IL1RAPL1: variants seen among roughly 807,000 people sequenced by gnomAD.
The protein encoded by IL1RAPL1 is interleukin 1 receptor accessory protein like 1.
IL1RAPL1 carries 3 observed loss-of-function variants against 48.4 expected under a neutral mutation model. The ratio of observed to expected loss-of-function variants is 0.06; its 90% CI spans 0.03 to 0.16. IL1RAPL1 has a LOEUF of 0.16. Ranked by LOEUF, IL1RAPL1 falls within the 10% of genes least tolerant of loss-of-function variation. IL1RAPL1 has a pLI of 1.00. For missense variants in IL1RAPL1, 349 were observed against 530.6 expected (o/e 0.66, Z 3.36); for synonymous variants, 185 against 187.7 (o/e 0.99, Z 0.12).
intron 2 of IL1RAPL1, among the ~76,000 whole-genome samples, chrX:29,117,888 T>G (rs1040125263): frequency 9.0e-6 from 1 of 111,680 alleles, no homozygotes; most frequent in East Asian, 2.8e-4. Flanking sequence ...AGCAGTTTTG[T>G]CCACGTTAAT....
At chrX:29,199,361 G>C (rs959008681) in intron 2 of IL1RAPL1, among the ~76,000 whole-genome samples, 5 of 110,457 alleles carry the variant, frequency 4.5e-5, no homozygotes, top group African/African-American at 1.6e-4. Flanking sequence ...CTCTGTTTAT[G>C]AATATGCTCT....
intron 5 of IL1RAPL1, among the ~76,000 whole-genome samples, chrX:29,561,537 A>G (rs1292714411): frequency 8.9e-6 from 1 of 111,738 alleles, no homozygotes; most frequent in East Asian, 2.8e-4. Flanking sequence ...TTATGGGTGA[A>G]GTGAGATAAA....
intron 2 of IL1RAPL1, among the ~76,000 whole-genome samples, chrX:29,184,266 C>T (rs866028452): frequency 7.2e-5 from 8 of 111,344 alleles, no homozygotes; most frequent in East Asian, 2.8e-4. Flanking sequence ...TTCCCAGCAA[C>T]GAATATAGTA....
intron 2 of IL1RAPL1, among the ~76,000 whole-genome samples, chrX:29,083,866 G>T (rs1164744188): frequency 9.0e-6 from 1 of 111,725 alleles, no homozygotes; most frequent in Non-Finnish European, 1.9e-5. Flanking sequence ...CAAAAATTGT[G>T]TGAAGGCAAA....
chrX:28,787,040 T>C (rs1936483347), intron 1 of IL1RAPL1, among the ~76,000 whole-genome samples: 1 of 112,258 alleles, frequency 8.9e-6, no homozygotes, highest in Non-Finnish European at 1.9e-5. Context: ...ATTCTATGGA[T>C]TTCTTTTTGT....
chrX:28,592,911 A>G (rs1933919751), intron 1 of IL1RAPL1, among the ~76,000 whole-genome samples: 1 of 112,065 alleles, frequency 8.9e-6, no homozygotes, highest in Non-Finnish European at 1.9e-5. Flanking sequence ...TATTTAAAAA[A>G]TGCATGTTCT....
rs201353583 is a variant in IL1RAPL1, at chrX:29,106,868, GTT to G, written c.83-176068_83-176067del. ...TGCAATATCTTTTCTTTGATTTTTT[GTT>G]TGTTTGTTTGAAACACGTATTTGCC... On this transcript the variant is annotated intron_variant, in intron 2 of 10. Coordinates refer to ENST00000378993, the MANE Select transcript of IL1RAPL1 (RefSeq NM_014271.4). Among the ~76,000 whole-genome samples the G allele has an allele frequency of 6.7e-3, 735 of 109,481 alleles. 21 individuals are homozygous for G. The highest frequency in any genetic ancestry group is 0.064 in the Admixed American group (653 of 10,232).
intron 2 of IL1RAPL1, among the ~76,000 whole-genome samples, chrX:29,135,090 A>G (rs1454628037): frequency 1.8e-5 from 2 of 112,170 alleles, no homozygotes; most frequent in African/African-American, 6.5e-5. Context: ...TCAAATATCT[A>G]AATAATGATC....
chrX:28,979,408 TG>T (rs1457985397), intron 2 of IL1RAPL1, among the ~76,000 whole-genome samples: 2 of 112,426 alleles, frequency 1.8e-5, no homozygotes, highest in Non-Finnish European at 1.9e-5. Context: ...CGTTTTATTC[TG>T]GTTATTAGTA....
intron 2 of IL1RAPL1, among the ~76,000 whole-genome samples, chrX:29,252,719 T>G: frequency 9.0e-6 from 1 of 111,621 alleles, no homozygotes; most frequent in East Asian, 2.8e-4. Context: ...TGACTTGCCT[T>G]CATATATGAG....
chrX:28,886,062 TC>T (rs1922620552), intron 2 of IL1RAPL1, among the ~76,000 whole-genome samples: 1 of 110,832 alleles, frequency 9.0e-6, no homozygotes, highest in Non-Finnish European at 1.9e-5. Flanking sequence ...ATTTTTTGTT[TC>T]TAGCCTATAG....
intron 5 of IL1RAPL1, among the ~76,000 whole-genome samples, chrX:29,447,661 T>C (rs914748258): frequency 8.9e-6 from 1 of 112,249 alleles, no homozygotes; most frequent in Non-Finnish European, 1.9e-5. Flanking sequence ...CCTTATACCA[T>C]ATTTTCACTT....
chrX:29,452,916 ATTTTTTTTTTTT>A (rs72259685), intron 5 of IL1RAPL1, among the ~76,000 whole-genome samples: 3 of 48,878 alleles, frequency 6.1e-5, no homozygotes, highest in South Asian at 1.8e-3. Context: ...GTGACTACAG[ATTTTTTTTTTTT>A]TTTTTTTTTT....
chrX:29,330,701 T>C (rs1222320443), intron 3 of IL1RAPL1, among the ~76,000 whole-genome samples: 1 of 111,240 alleles, frequency 9.0e-6, no homozygotes, highest in Non-Finnish European at 1.9e-5. Context: ...AGATCTAGGC[T>C]TCACCTCAGG....
chrX:29,483,398 G>A (rs940919951), intron 5 of IL1RAPL1, among the ~76,000 whole-genome samples: 8 of 111,491 alleles, frequency 7.2e-5, no homozygotes, highest in Non-Finnish European at 1.5e-4. Flanking sequence ...CAGGTAGCCC[G>A]TGTGAAAAAT....
In IL1RAPL1 at chrX:28,630,597, T is replaced by G. The variant is rs760955650; in HGVS notation, c.-25+42550T>G. Among the ~76,000 whole-genome samples the G allele has an allele frequency of 1.7e-4, 19 of 112,042 alleles. 1 individual carries two copies. Among genetic ancestry groups the G allele is most frequent in the African/African-American group, 5.2e-4 (16 of 30,867 alleles). ...CTTCTATTTCATCCACCTGTTTTCA[T>G]CCTTCATGCTTTCCTAATTCAGGTT... On this transcript the variant is annotated intron_variant, in intron 1 of 10. Transcript: ENST00000378993.
At chrX:29,300,515 G>A (rs1030918595) in intron 3 of IL1RAPL1, among the ~76,000 whole-genome samples, 3 of 111,779 alleles carry the variant, frequency 2.7e-5, no homozygotes, top group Admixed American at 1.9e-4. Flanking sequence ...TTTACAAATG[G>A]AATCATTAGT....
intron 2 of IL1RAPL1, among the ~76,000 whole-genome samples, chrX:29,185,931 CA>C (rs759481699): frequency 1.7e-3 from 192 of 110,733 alleles, no homozygotes; most frequent in Non-Finnish European, 3.0e-3. Context: ...CAAGGGGCAG[CA>C]AATGACTAAG....
intron 1 of IL1RAPL1, among the ~76,000 whole-genome samples, chrX:28,599,933 G>C (rs1367396428): frequency 8.9e-6 from 1 of 112,087 alleles, no homozygotes; most frequent in Non-Finnish European, 1.9e-5. Flanking sequence ...AGTCAAGGGG[G>C]TTGGGGCTTT....
Sources: allele counts gnomAD v4.1 joint callset (sites outside exome capture counted in the v4.1 genomes callset), GRCh38; gene constraint gnomAD v4.1.1; transcripts MANE v1.5; gene names NCBI Gene and HGNC (gene_info 2026-07-23, HGNC 2026-07-21).